KIAA1217: variants seen among roughly 807,000 people sequenced by gnomAD.
KIAA1217 encodes the protein KIAA1217.
KIAA1217 carries 88 observed loss-of-function variants against 163.9 expected under a neutral mutation model. The ratio of observed to expected loss-of-function variants is 0.54; its 90% CI spans 0.45 to 0.64. The LOEUF (loss-of-function observed/expected upper bound fraction) is 0.64, where lower values mean the gene tolerates loss of function less well. KIAA1217 is among the 30% of genes least tolerant of loss of function. The probability of loss-of-function intolerance (pLI) is 0.00; values close to 1 mark genes in which losing one functional copy is unlikely to be tolerated. For missense variants in KIAA1217, 2,372 were observed against 2,475.0 expected (o/e 0.96, Z 0.88); for synonymous variants, 903 against 923.1 (o/e 0.98, Z 0.39).
chr10:23,838,960 T>C (rs1373871977), intron 1 of KIAA1217, among the ~76,000 whole-genome samples: 5 of 152,204 alleles, frequency 3.3e-5, no homozygotes, highest in African/African-American at 9.6e-5. Flanking sequence ...ACAGGATTTT[T>C]TCCCTTTCAT....
chr10:24,296,022 G>A (rs1464993445), intron 2 of KIAA1217, among the ~76,000 whole-genome samples: 1 of 152,180 alleles, frequency 6.6e-6, no homozygotes, highest in Non-Finnish European at 1.5e-5. Context: ...CTGGCCAGCA[G>A]TAAGGGTGTC....
intron 2 of KIAA1217, among the ~76,000 whole-genome samples, chr10:24,232,431 A>C (rs1474929050): frequency 6.6e-6 from 1 of 152,154 alleles, no homozygotes; most frequent in Non-Finnish European, 1.5e-5. Context: ...ATATTAAGGA[A>C]AGCTCTGCAA....
chr10:24,255,633 C>G (rs1048492847), intron 2 of KIAA1217: 18 of 428,456 alleles, frequency 4.2e-5, no homozygotes, highest in Middle Eastern at 3.4e-4. Flanking sequence ...TTCCCTGCCC[C>G]CCCTGGGGTC....
At chr10:24,496,573 G>T (rs533694722) in intron 8 of KIAA1217, among the ~76,000 whole-genome samples, 231 of 152,288 alleles carry the variant, frequency 1.5e-3, no homozygotes, top group Non-Finnish European at 2.8e-3. Context: ...AGAAGAAGAA[G>T]AATAAATATG....
chr10:24,005,527 CA>C (rs1846953929), intron 1 of KIAA1217, among the ~76,000 whole-genome samples: 1 of 152,172 alleles, frequency 6.6e-6, no homozygotes, highest in Non-Finnish European at 1.5e-5. Context: ...TTTGAAGTCA[CA>C]CTGACCTGGG....
intron 2 of KIAA1217, among the ~76,000 whole-genome samples, chr10:24,122,679 A>G (rs974801095): frequency 4.6e-5 from 7 of 152,198 alleles, no homozygotes; most frequent in Admixed American, 1.3e-4. Context: ...CAAAGCCAGC[A>G]TAACAAAATG....
intron 1 of KIAA1217, among the ~76,000 whole-genome samples, chr10:23,939,374 G>T (rs1843661837): frequency 6.6e-6 from 1 of 152,116 alleles, no homozygotes; most frequent in South Asian, 2.1e-4. Context: ...CAAATTTAAA[G>T]ATACAAACAT....
At chr10:24,297,096 G>A (rs1446252095) in intron 2 of KIAA1217, among the ~76,000 whole-genome samples, 1 of 152,116 alleles carries the variant, frequency 6.6e-6, no homozygotes. Flanking sequence ...ACAAGAATGG[G>A]GAGAAACATA....
intron 2 of KIAA1217, among the ~76,000 whole-genome samples, chr10:24,114,983 C>T (rs574735650): frequency 9.2e-5 from 14 of 152,296 alleles, no homozygotes; most frequent in East Asian, 1.9e-4. Flanking sequence ...TCTCAGCTTC[C>T]GGCATGTGGC....
chr10:24,306,832 C>T (rs1161905279), intron 2 of KIAA1217, among the ~76,000 whole-genome samples: 1 of 152,218 alleles, frequency 6.6e-6, no homozygotes, highest in Admixed American at 6.5e-5. Context: ...TTCTCACTGA[C>T]ATAACTGTCT....
At chr10:23,752,387 T>C (rs1320970450) in intron 1 of KIAA1217, among the ~76,000 whole-genome samples, 1 of 152,178 alleles carries the variant, frequency 6.6e-6, no homozygotes, top group East Asian at 1.9e-4. Flanking sequence ...TTGAACAAAT[T>C]ATTTGTGAGC....
intron 3 of KIAA1217, among the ~76,000 whole-genome samples, chr10:24,403,496 C>T (rs1241716974): frequency 3.9e-5 from 6 of 152,198 alleles, no homozygotes; most frequent in Non-Finnish European, 7.3e-5. Flanking sequence ...GCCTCAGCCT[C>T]CCAAAGTGCT....
intron 2 of KIAA1217, among the ~76,000 whole-genome samples, chr10:24,059,249 C>T (rs938583898): frequency 4.6e-5 from 7 of 151,844 alleles, no homozygotes; most frequent in Admixed American, 1.3e-4. Context: ...GGTGTGTGAT[C>T]CTTTTAGTGT....
intron 1 of KIAA1217, among the ~76,000 whole-genome samples, chr10:23,774,059 C>T (rs1268964564): frequency 6.6e-6 from 1 of 152,128 alleles, no homozygotes; most frequent in Non-Finnish European, 1.5e-5. Context: ...GGAATGCTTC[C>T]AGTTTTTGCC....
chr10:24,543,384 T>C lies in KIAA1217; in HGVS notation c.4114T>C (p.Ser1372Pro). The change falls in exon 19 of 21, where the codon TCT becomes CCT. Residue 1372 changes from serine (S) to proline (P), a missense_variant. Coordinates refer to ENST00000376454, the MANE Select transcript of KIAA1217 (RefSeq NM_019590.5). ...TGAGGATGGAGAATCAAGTTCAAGT[T>C]CTCCCACTGAAGAAAATGCAGCCAC... ...PNEDGESSSS[S>P]PTEENAATDN... 2 of 1,614,016 alleles carry C rather than the reference T, an allele frequency of 1.2e-6. No individual in the cohort carries two copies. The highest frequency in any genetic ancestry group is 1.6e-4 in the Middle Eastern group (1 of 6,062).
intron 15 of KIAA1217, 86 bp from the exon 16 acceptor site, chr10:24,532,984 G>T: frequency 1.6e-6 from 2 of 1,243,142 alleles, no homozygotes; most frequent in South Asian, 3.5e-5. Flanking sequence ...AAGTGTTCTA[G>T]ACAGTGAGGG....
At chr10:24,186,336 G>GAGATGTAA (rs1564803719) in intron 2 of KIAA1217, among the ~76,000 whole-genome samples, 1 of 152,082 alleles carries the variant, frequency 6.6e-6, no homozygotes, top group African/African-American at 2.4e-5. Flanking sequence ...TAAAATTCTT[G>GAGATGTAA]AGTCATACTT....
chr10:24,284,471 A>G (rs1287383219), intron 2 of KIAA1217, among the ~76,000 whole-genome samples: 2 of 152,190 alleles, frequency 1.3e-5, no homozygotes, highest in African/African-American at 4.8e-5. Context: ...AAGTAAGAAC[A>G]TATGATATCT....
At chr10:24,433,745 A>T (rs1315712029) in intron 4 of KIAA1217, among the ~76,000 whole-genome samples, 1 of 152,136 alleles carries the variant, frequency 6.6e-6, no homozygotes, top group African/African-American at 2.4e-5. Flanking sequence ...CATTTTAGGT[A>T]ATGATCCCAC....
Sources: allele counts gnomAD v4.1 joint callset (sites outside exome capture counted in the v4.1 genomes callset), GRCh38; gene constraint gnomAD v4.1.1; transcripts MANE v1.5; gene names NCBI Gene and HGNC (gene_info 2026-07-23, HGNC 2026-07-21).